The following PATJ variants were observed in gnomAD, a reference collection of about 807,000 sequenced individuals.
The protein encoded by PATJ is inaD-like protein.
In PATJ, 190 loss-of-function variants were observed where a neutral mutation model predicts 224.9. The ratio of observed to expected loss-of-function variants is 0.84; its 90% CI spans 0.75 to 0.95. The LOEUF (loss-of-function observed/expected upper bound fraction) is 0.95. PATJ is among the 40% of genes least tolerant of loss of function. PATJ has a pLI of 0.00. For missense variants in PATJ, 2,121 were observed against 2,270.3 expected (o/e 0.93, Z 1.34); for synonymous variants, 769 against 820.3 (o/e 0.94, Z 1.07).
chr1:61,951,439 T>C (rs994725922), intron 27 of PATJ, among the ~76,000 whole-genome samples: 4 of 152,136 alleles, frequency 2.6e-5, no homozygotes, highest in African/African-American at 9.7e-5. Flanking sequence ...ATCACATAGA[T>C]GATTTTTTTA....
At chr1:62,005,648 C>T in intron 28 of PATJ, among the ~76,000 whole-genome samples, 1 of 152,050 alleles carries the variant, frequency 6.6e-6, no homozygotes, top group Non-Finnish European at 1.5e-5. Flanking sequence ...GTCCTAGCTA[C>T]TTGGGAGGCT....
At chr1:62,157,238 C>T (rs1390261573) in intron 43 of PATJ, among the ~76,000 whole-genome samples, 2 of 150,850 alleles carry the variant, frequency 1.3e-5, no homozygotes, top group Non-Finnish European at 3.0e-5. Flanking sequence ...GTGGGAGAAT[C>T]GCTTGAACCT....
chr1:62,065,634 A>C (rs1035155657), intron 31 of PATJ, among the ~76,000 whole-genome samples: 2 of 152,174 alleles, frequency 1.3e-5, no homozygotes, highest in African/African-American at 4.8e-5. Flanking sequence ...TACAGCTTTG[A>C]TATCTACTAG....
At chr1:61,961,697 G>A (rs11207878) in intron 27 of PATJ, among the ~76,000 whole-genome samples, 62,018 of 151,888 alleles carry the variant, frequency 0.41, 13,825 homozygotes, top group East Asian at 0.8. Context: ...GGCTGGGCGC[G>A]GTGGCTCGTG....
chr1:61,927,888 A>T lies in PATJ; in HGVS notation c.3670+59A>T. 10 of 1,193,124 alleles carry T rather than the reference A, an allele frequency of 8.4e-6. No individual in the cohort carries two copies. In the South Asian group the frequency reaches 1.4e-4, roughly 17 times the overall value. The allele number at this position is 1,193,124 out of a possible 1,614,324, so 73.9% of individuals were successfully genotyped here. On this transcript the variant is annotated intron_variant, in intron 27 of 43. Transcript: ENST00000642238. ...GAACTTATTAAATTATGTTTTAACG[A>T]CTGTTGTAAATTATCAAATATATGG...
At chr1:61,982,207 G>C (rs948469563) in intron 27 of PATJ, among the ~76,000 whole-genome samples, 9 of 151,996 alleles carry the variant, frequency 5.9e-5, no homozygotes, top group African/African-American at 2.2e-4. Context: ...GGTTTTCTCA[G>C]TTTCCTTCAG....
chr1:62,010,406 C>T (rs555672385), intron 28 of PATJ, among the ~76,000 whole-genome samples: 90 of 150,936 alleles, frequency 6.0e-4, no homozygotes, highest in African/African-American at 2.1e-3. Flanking sequence ...CTTTTTTTTC[C>T]TTCCTCTCTC....
At chr1:61,786,857 G>A (rs1327067500) in intron 7 of PATJ, among the ~76,000 whole-genome samples, 5 of 151,946 alleles carry the variant, frequency 3.3e-5, no homozygotes, top group South Asian at 2.1e-4. Context: ...GTGGTGGTGC[G>A]CGCCTGTAAT....
intron 27 of PATJ, among the ~76,000 whole-genome samples, chr1:61,950,048 C>T (rs909987780): frequency 1.9e-4 from 29 of 152,230 alleles, no homozygotes; most frequent in African/African-American, 7.0e-4. Context: ...ACTGAAAATA[C>T]AAAACATTAG....
chr1:62,104,732 T>A (rs1662676847), intron 33 of PATJ, among the ~76,000 whole-genome samples: 1 of 152,164 alleles, frequency 6.6e-6, no homozygotes, highest in African/African-American at 2.4e-5. Context: ...TGGAGTGTGG[T>A]GTGATCTCAG....
At chr1:61,777,724 T>C (rs10889255) in intron 7 of PATJ, among the ~76,000 whole-genome samples, 30,110 of 105,706 alleles carry the variant, frequency 0.28, 2,488 homozygotes, top group East Asian at 0.51. Context: ...TTTTTTTTTT[T>C]TTTAGCATAG....
chr1:61,833,773 TTTGG>T lies in PATJ; in HGVS notation c.2101_2104del (p.Leu701IlefsTer6). On this transcript the variant is annotated frameshift_variant, in exon 17 of 44. Transcript: ENST00000642238. LOFTEE classifies it high-confidence loss of function. ...ATTGTAAAGGTTTGGGATTCAGCATTTTGGATTACCAGGTATAAGAACCTGTGTA... is the reference window on the plus strand; with the variant it reads ...ATTGTAAAGGTTTGGGATTCAGCATTATTACCAGGTATAAGAACCTGTGTA... 1 of 1,613,284 alleles carries T rather than the reference TTTGG, an allele frequency of 6.2e-7. No homozygotes were observed. Among genetic ancestry groups the T allele is most frequent in the Non-Finnish European group, 8.5e-7 (1 of 1,179,550 alleles).
At chr1:62,042,472 T>C (rs17122991) in intron 30 of PATJ, among the ~76,000 whole-genome samples, 17,236 of 152,202 alleles carry the variant, frequency 0.11, 1,330 homozygotes, top group South Asian at 0.22. Flanking sequence ...ATAACTCATA[T>C]CCAGCATATG....
intron 27 of PATJ, among the ~76,000 whole-genome samples, chr1:61,977,940 A>G (rs978324260): frequency 1.3e-5 from 2 of 151,764 alleles, no homozygotes; most frequent in Non-Finnish European, 2.9e-5. Context: ...TGATTGAAAT[A>G]CATACAAACA....
At chr1:62,027,763 T>G (rs1468493363) in intron 29 of PATJ, among the ~76,000 whole-genome samples, 1 of 152,042 alleles carries the variant, frequency 6.6e-6, no homozygotes, top group Non-Finnish European at 1.5e-5. Context: ...CATGTGCTTA[T>G]TGGCTTTTTG....
intron 41 of PATJ, among the ~76,000 whole-genome samples, chr1:62,144,088 AC>A (rs1332383318): frequency 3.9e-5 from 6 of 152,206 alleles, no homozygotes; most frequent in Non-Finnish European, 7.4e-5. Context: ...AAGAGGAGAG[AC>A]TTTTCGGGGC....
At chr1:61,906,113 G>T (rs1671819236) in intron 24 of PATJ, among the ~76,000 whole-genome samples, 1 of 152,094 alleles carries the variant, frequency 6.6e-6, no homozygotes, top group Non-Finnish European at 1.5e-5. Context: ...TACTAGGGCA[G>T]CTCAGAGAAA....
chr1:61,968,111 C>T (rs1199435641), intron 27 of PATJ, among the ~76,000 whole-genome samples: 1 of 152,134 alleles, frequency 6.6e-6, no homozygotes, highest in Non-Finnish European at 1.5e-5. Context: ...GTATCTATGA[C>T]TCTGTGGGAA....
At chr1:61,868,321 C>G (rs1451548373) in intron 20 of PATJ, among the ~76,000 whole-genome samples, 1 of 152,186 alleles carries the variant, frequency 6.6e-6, no homozygotes, top group Admixed American at 6.5e-5. Flanking sequence ...CTCTCTCTAT[C>G]CCCTGCCAAC....
Sources: allele counts gnomAD v4.1 joint callset (sites outside exome capture counted in the v4.1 genomes callset), GRCh38; gene constraint gnomAD v4.1.1; transcripts MANE v1.5; gene names NCBI Gene and HGNC (gene_info 2026-07-23, HGNC 2026-07-21).